Variants in PACC1 observed in about 807,000 individuals in gnomAD.
The protein encoded by PACC1 is proton activated chloride channel 1.
Under a neutral mutation model 39.7 loss-of-function variants are expected in PACC1, and 34 were observed. The observed-to-expected ratio is 0.86, with a 90% confidence interval of 0.65 to 1.14. PACC1 has a LOEUF of 1.14. Ranked by LOEUF, PACC1 falls within the 50% of genes most tolerant of loss-of-function variation. The pLI, the probability that PACC1 is intolerant of heterozygous loss-of-function variation, is 0.00. For missense variants in PACC1, 379 were observed against 436.4 expected (o/e 0.87, Z 1.17); for synonymous variants, 127 against 160.6 (o/e 0.79, Z 1.58).
At chr1:212,392,220 G>T (rs1354003724) in intron 2 of PACC1, among the ~76,000 whole-genome samples, 3 of 152,210 alleles carry the variant, frequency 2.0e-5, no homozygotes, top group African/African-American at 7.2e-5. Flanking sequence ...ACAAAGGGAA[G>T]CCCATCAGAC....
intron 1 of PACC1, among the ~76,000 whole-genome samples, chr1:212,412,254 G>T (rs937941014): frequency 1.3e-4 from 20 of 152,252 alleles, no homozygotes; most frequent in Admixed American, 9.8e-4. Flanking sequence ...AGGTCTCACT[G>T]GCCAAAGGGA....
chr1:212,392,767 A>G (rs1330717547), intron 2 of PACC1, among the ~76,000 whole-genome samples: 1 of 151,782 alleles, frequency 6.6e-6, no homozygotes, highest in African/African-American at 2.4e-5. Context: ...GAAAACAAAA[A>G]AAGGCAGGGG....
In PACC1 at chr1:212,387,033, C is replaced by G. The variant is rs766339215; in HGVS notation, c.201G>C (p.Ser67=). ...GCAGGTAGATGAAGATGAGTAGGAC[C>G]GAGAAGACGTTCTTCAGGCAGGCCT... ...FSKACLKNVF[S]VLLIFIYLLL... Residue 67 remains serine, a synonymous_variant, in exon 3 of 8, where the codon TCG becomes TCC. Transcript: ENST00000261455. 6.2e-7 allele frequency: 1 copy of G among 1,614,182 alleles called. No homozygotes were observed. Among genetic ancestry groups the G allele is most frequent in the Non-Finnish European group, 8.5e-7 (1 of 1,180,030 alleles).
intron 7 of PACC1, among the ~76,000 whole-genome samples, chr1:212,373,059 G>A (rs996835634): frequency 1.3e-5 from 2 of 152,044 alleles, no homozygotes; most frequent in African/African-American, 4.8e-5. Flanking sequence ...CCAATCCTGG[G>A]CAAAAAGAAC....
intron 3 of PACC1, among the ~76,000 whole-genome samples, chr1:212,385,638 C>T (rs926108783): frequency 7.9e-5 from 12 of 152,070 alleles, no homozygotes; most frequent in African/African-American, 2.9e-4. Context: ...CTCAGTAAGC[C>T]CCTGGCCAAC....
chr1:212,377,736 A>G, intron 5 of PACC1, 30 bp from the exon 6 acceptor site: 2 of 1,609,974 alleles, frequency 1.2e-6, no homozygotes, highest in Non-Finnish European at 1.7e-6. Context: ...AGGAAGATCC[A>G]GGTCAATGCA....
At chr1:212,409,963 GGAA>G (rs1662063097) in intron 2 of PACC1, among the ~76,000 whole-genome samples, 1 of 152,272 alleles carries the variant, frequency 6.6e-6, no homozygotes. Flanking sequence ...GTATCCGGGC[GGAA>G]GAAGTAGTCA....
chr1:212,372,295 CA>C (rs1236901337), intron 7 of PACC1, among the ~76,000 whole-genome samples: 1 of 133,920 alleles, frequency 7.5e-6, no homozygotes, highest in Non-Finnish European at 1.6e-5. Flanking sequence ...AAAAAAAAAA[CA>C]AAAAACAAAA....
Position 212,386,812 on chromosome 1 carries a change from C to G in PACC1, c.343+79G>C. 7.0e-7 allele frequency: 1 copy of G among 1,424,714 alleles called. No individual in the cohort carries two copies. The highest frequency in any genetic ancestry group is 9.9e-7 in the Non-Finnish European group (1 of 1,015,078). The allele number at this position is 1,424,714 out of a possible 1,614,324, so 88.3% of individuals were successfully genotyped here. On this transcript the variant is annotated intron_variant, in intron 3 of 7. Coordinates refer to ENST00000261455, the MANE Select transcript of PACC1 (RefSeq NM_018252.3). This position sits in a 1 kb window ranked among gnomAD's most constrained non-coding sequence, Gnocchi z 5.0. ...TGCCCTGCCCGTAGTACCACAAATACAACGGCAGCTCAGGGAGTATCTGCC... is the reference window on the plus strand; with the variant it reads ...TGCCCTGCCCGTAGTACCACAAATAGAACGGCAGCTCAGGGAGTATCTGCC...
intron 6 of PACC1, among the ~76,000 whole-genome samples, chr1:212,375,604 G>A (rs971973854): frequency 3.9e-5 from 6 of 152,136 alleles, no homozygotes; most frequent in Non-Finnish European, 7.4e-5. Context: ...CCATATTCAG[G>A]CCAGGCATGT....
Position 212,377,696 on chromosome 1 carries a change from C to A in PACC1, c.649G>T (p.Val217Leu), listed in dbSNP as rs548426975. The A allele has an allele frequency of 8.1e-6, 13 of 1,614,080 alleles. No individual in the cohort carries two copies. In the East Asian group the frequency reaches 2.9e-4, roughly 36 times the overall value. ...CTCTCACAGGCCTGCATGAAGCCTA[C>A]CCTGTTTGGGCTTGGAGGAAGGAAG... ...FQEFLQSPNR[V>L]GFMQACESAY... is the part of the protein sequence containing the mutation. The change falls in exon 6 of 8, where the codon GTA becomes TTA. Residue 217 changes from valine (V) to leucine (L), a missense_variant. Transcript: ENST00000261455.
intron 7 of PACC1, among the ~76,000 whole-genome samples, chr1:212,370,905 T>A (rs1426503569): frequency 6.6e-6 from 1 of 152,124 alleles, no homozygotes; most frequent in Non-Finnish European, 1.5e-5. Flanking sequence ...TTTATCAGAA[T>A]AATAATTATC....
Position 212,364,514 on chromosome 1 carries a change from A to G in PACC1, c.*701T>C, listed in dbSNP as rs1660162169. The G allele has an allele frequency of 6.6e-6, 1 of 152,642 alleles. No individual in the cohort carries two copies. 9.5% of individuals were successfully genotyped at this position (152,642 alleles called of 1,614,324 possible). A position where few individuals can be genotyped will look rare whatever the true frequency, so the allele number is the denominator to read the frequency against. Reference sequence around the variant, plus strand: ...CTTTTATTTACCTGTTAATGAAATCATCAAAATACAATGAGTAGGCACCTT... The same window carrying G: ...CTTTTATTTACCTGTTAATGAAATCGTCAAAATACAATGAGTAGGCACCTT... On this transcript the variant is annotated 3_prime_UTR_variant, in exon 8 of 8. Coordinates refer to ENST00000261455, the MANE Select transcript of PACC1 (RefSeq NM_018252.3).
At chr1:212,402,933 C>T (rs536359924) in intron 2 of PACC1, among the ~76,000 whole-genome samples, 2 of 152,226 alleles carry the variant, frequency 1.3e-5, no homozygotes, top group East Asian at 1.9e-4. Context: ...GAATTACAGG[C>T]GTGATCAACC....
At chr1:212,380,990 G>C (rs1488164836) in intron 4 of PACC1, among the ~76,000 whole-genome samples, 1 of 152,066 alleles carries the variant, frequency 6.6e-6, no homozygotes, top group Non-Finnish European at 1.5e-5. Context: ...ATGCTCTACA[G>C]AGATTTGAAA....
chr1:212,378,860 T>C (rs1439788527), intron 5 of PACC1, among the ~76,000 whole-genome samples: 1 of 152,062 alleles, frequency 6.6e-6, no homozygotes, highest in Admixed American at 6.5e-5. Flanking sequence ...CTCCTCAGCC[T>C]ACTCAACATG....
chr1:212,386,829 G>A lies in PACC1; in HGVS notation c.343+62C>T, dbSNP rs1270558413. Reference sequence around the variant, plus strand: ...CACAAATACAACGGCAGCTCAGGGAGTATCTGCCAGCTGACACCCTAGATC... The same window carrying A: ...CACAAATACAACGGCAGCTCAGGGAATATCTGCCAGCTGACACCCTAGATC... On this transcript the variant is annotated intron_variant, in intron 3 of 7. Coordinates refer to ENST00000261455, the MANE Select transcript of PACC1 (RefSeq NM_018252.3). The surrounding 1 kb of genome is among the most constrained non-coding windows in gnomAD (Gnocchi z 5.0). The A allele has an allele frequency of 6.6e-7, 1 of 1,520,256 alleles. No homozygotes were observed. The highest frequency in any genetic ancestry group is 1.4e-5 in the African/African-American group (1 of 72,972). 94.2% of individuals were successfully genotyped at this position (1,520,256 alleles called of 1,614,324 possible).
chr1:212,406,638 T>C (rs1661929908), intron 2 of PACC1, among the ~76,000 whole-genome samples: 1 of 152,172 alleles, frequency 6.6e-6, no homozygotes, highest in Non-Finnish European at 1.5e-5. Flanking sequence ...CTTCTGTGAT[T>C]TAGAAAGGAG....
intron 2 of PACC1, among the ~76,000 whole-genome samples, chr1:212,408,356 AC>A (rs755334777): frequency 7.3e-5 from 11 of 150,604 alleles, no homozygotes; most frequent in Non-Finnish European, 1.6e-4. Flanking sequence ...GTCTTTTTTT[AC>A]TTTATTTTAT....
Sources: allele counts gnomAD v4.1 joint callset (sites outside exome capture counted in the v4.1 genomes callset), GRCh38; gene constraint gnomAD v4.1.1; non-coding constraint Gnocchi (gnomAD v3.1); transcripts MANE v1.5; gene names NCBI Gene and HGNC (gene_info 2026-07-23, HGNC 2026-07-21).